The following NT5DC2 variants were observed in gnomAD, a reference collection of about 807,000 sequenced individuals.
The protein encoded by NT5DC2 is 5'-nucleotidase domain containing 2, also known as 5'-nucleotidase domain-containing protein 2.
A neutral mutation model predicts 70.0 loss-of-function variants in NT5DC2; 41 were observed. The observed-to-expected ratio is 0.59, with a 90% confidence interval of 0.46 to 0.76. The LOEUF (loss-of-function observed/expected upper bound fraction) is 0.76, where lower values mean the gene tolerates loss of function less well. Ranked by LOEUF, NT5DC2 falls within the 30% of genes least tolerant of loss-of-function variation. The probability of loss-of-function intolerance (pLI) is 0.00; values close to 1 mark genes in which losing one functional copy is unlikely to be tolerated. For missense variants in NT5DC2, 705 were observed against 783.2 expected, an observed-to-expected ratio of 0.90 and a Z score of 1.19; for synonymous variants, 299 against 310.4, an observed-to-expected ratio of 0.96 and a Z score of 0.39.
rs1335164699 is a variant in NT5DC2, at chr3:52,527,849, G to C, written c.915C>G (p.Thr305=). 8.7e-6 allele frequency: 14 copies of C among 1,613,384 alleles called. No homozygotes were observed. The highest frequency in any genetic ancestry group is 1.2e-5 in the Non-Finnish European group (14 of 1,180,012). ...VAHGKQLFLI[T]NSPFSFVDKG... ...CTCACACGAAGCTGAAAGGACTGTT[G>C]GTGATGAGGAACAGCTGTTTCCCAT... The change falls in exon 8 of 14, where the codon ACC becomes ACG. Residue 305 remains threonine (T), a synonymous_variant. Transcript: ENST00000422318.
At position 52,529,221 on chromosome 3, in the gene NT5DC2, C is replaced by T. The variant is rs1310217297; in HGVS notation, c.346G>A (p.Ala116Thr). 2 of 1,614,030 alleles carry T rather than the reference C, an allele frequency of 1.2e-6. No homozygotes were observed. Among genetic ancestry groups the T allele is most frequent in the Middle Eastern group, 1.6e-4 (1 of 6,062 alleles). The change falls in exon 2 of 14, where the codon GCC becomes ACC. Residue 116 changes from alanine to threonine, a missense_variant. Physicochemically the swap from Ala to Thr is moderately conservative, Grantham distance 58. Transcript: ENST00000422318. This position sits in a 1 kb window ranked among gnomAD's most constrained non-coding sequence, Gnocchi z 4.1. ...VYGFDYDYTL[A>T]QYADALHPEI... ...GGGTGCAGTGCGTCTGCATACTGGGCCAGGGTGTAGTCGTAGTCAAAGCCG... is the reference window on the plus strand; with the variant it reads ...GGGTGCAGTGCGTCTGCATACTGGGTCAGGGTGTAGTCGTAGTCAAAGCCG...
intron 1 of NT5DC2, 81 bp downstream of exon 1, chr3:52,533,425 G>A (rs1349932655): frequency 4.3e-6 from 6 of 1,387,428 alleles, no homozygotes; most frequent in South Asian, 3.9e-5. Context: ...TTTCCCCGGA[G>A]GAGCGGCACC....
rs368194873 is a variant in NT5DC2 at position 52,528,846 on chromosome 3, G to C, written c.492+15C>G. 6.2e-7 allele frequency: 1 copy of C among 1,613,306 alleles called. No homozygotes were observed. Among genetic ancestry groups the C allele is most frequent in the Non-Finnish European group, 8.5e-7 (1 of 1,179,504 alleles). Reference sequence around the variant, plus strand: ...AGGCCAAGGAGGGAGCCCCTATACAGGTCCAGCCACTCACCTTCTGAATGT... The same window carrying C: ...AGGCCAAGGAGGGAGCCCCTATACACGTCCAGCCACTCACCTTCTGAATGT... On this transcript the variant is annotated intron_variant, in intron 3 of 13. Transcript: ENST00000422318.
chr3:52,525,339 C>A, intron 10 of NT5DC2, 44 bp from the exon 11 acceptor site: 2 of 1,481,804 alleles, frequency 1.3e-6, no homozygotes, highest in South Asian at 2.3e-5. Flanking sequence ...TGTGCCTTGT[C>A]CTCCACCAGT....
Position 52,527,673 on chromosome 3 carries a change from G to A in NT5DC2, c.981C>T (p.Leu327=), listed in dbSNP as rs761077815. 1.2e-6 allele frequency: 2 copies of A among 1,613,302 alleles called. No homozygotes were observed. The highest frequency in any genetic ancestry group is 2.2e-5 in the South Asian group (2 of 91,084). ...CTGCCTGGACAATGACCACATCGAA[G>A]AGCTGGCGCCAATCGGGACCCACCA... ...RHMVGPDWRQ[L]FDVVIVQADK... The change falls in exon 9 of 14, where the codon CTC becomes CTT. Residue 327 remains leucine, a synonymous_variant. Transcript: ENST00000422318.
Position 52,529,554 on chromosome 3 carries a change from C to T in NT5DC2, c.233-220G>A, listed in dbSNP as rs1319207282. 6.6e-6 allele frequency among the ~76,000 whole-genome samples: 1 copy of T among 152,056 alleles called. No homozygotes were observed. The highest frequency in any genetic ancestry group is 2.4e-5 in the African/African-American group (1 of 41,362). On this transcript the variant is annotated intron_variant, in intron 1 of 13. Transcript: ENST00000422318. This position sits in a 1 kb window ranked among gnomAD's most constrained non-coding sequence, Gnocchi z 4.1. Reference sequence around the variant, plus strand: ...AAGGCAGAGCCCCTGGCTGGAGCTCCTCCTCATGGTTACACCTGCCTACAT... The same window carrying T: ...AAGGCAGAGCCCCTGGCTGGAGCTCTTCCTCATGGTTACACCTGCCTACAT...
rs368695632 is a variant in NT5DC2 at position 52,532,607 on chromosome 3, G to A, written c.232+899C>T. On this transcript the variant is annotated intron_variant, in intron 1 of 13. Transcript: ENST00000422318. The stretch of plus-strand genomic sequence containing the variant: ...CCACGTCACCCCTGGGGGTTCCTCC[G>A]GAAGCTCTCCTGCCCTGCTTGGCCT... The A allele has an allele frequency of 1.5e-5, 10 of 647,318 alleles. No homozygotes were observed. The South Asian group carries it at 5.5e-4, about 36-fold the overall frequency. 40.1% of individuals were successfully genotyped at this position (647,318 alleles called of 1,614,324 possible).
In NT5DC2 at chr3:52,533,806, C is replaced by A. The variant is rs1559742608; in HGVS notation, c.-69G>T. 1.0e-6 allele frequency: 1 copy of A among 978,148 alleles called. No homozygotes were observed. Among genetic ancestry groups the A allele is most frequent in the African/African-American group, 1.8e-5 (1 of 56,596 alleles). The allele number at this position is 978,148 out of a possible 1,614,324, so 60.6% of individuals were successfully genotyped here. A position where few individuals can be genotyped will look rare whatever the true frequency, so the allele number is the denominator to read the frequency against. On this transcript the variant is annotated 5_prime_UTR_variant, in exon 1 of 14. Transcript: ENST00000422318. ...CCGCCGCCCGCCGCCCGCCGCCCTC[C>A]GACTGCGCGCCCGCCACGGTGGCCT...
upstream of NT5DC2, chr3:52,534,353 G>C: frequency 1.0e-6 from 1 of 971,020 alleles, no homozygotes; most frequent in Non-Finnish European, 1.6e-6. Flanking sequence ...CCACTCACTG[G>C]TCTAACAAAT....
At chr3:52,534,545 G>A, upstream of NT5DC2, 1 of 1,613,414 alleles carries the variant, frequency 6.2e-7, no homozygotes, top group Non-Finnish European at 8.5e-7. Flanking sequence ...GTCAACTCCC[G>A]GTTTCCCGGC....
chr3:52,531,456 A>G lies in NT5DC2; in HGVS notation c.232+2050T>C, dbSNP rs2079358072. On this transcript the variant is annotated intron_variant, in intron 1 of 13. Coordinates refer to ENST00000422318, the MANE Select transcript of NT5DC2 (RefSeq NM_001134231.2). The surrounding 1 kb of genome is among the most constrained non-coding windows in gnomAD (Gnocchi z 4.1). ...GAAGACCTGGGAGGGTCTGCTCGGC[A>G]GTGCAGCCCCTTGCTGGCACAGAGT... 6.6e-6 allele frequency among the ~76,000 whole-genome samples: 1 copy of G among 152,116 alleles called. No individual in the cohort carries two copies. Among genetic ancestry groups the G allele is most frequent in the African/African-American group, 2.4e-5 (1 of 41,406 alleles).
At chr3:52,534,865 G>A, upstream of NT5DC2, 2 of 595,046 alleles carry the variant, frequency 3.4e-6, no homozygotes, top group South Asian at 4.0e-5. Flanking sequence ...GGCAGTCCAT[G>A]GCCTGGGGAC....
rs2079291277 is a variant in NT5DC2, at chr3:52,527,316, T to G, written c.1097A>C (p.Glu366Ala). 6.2e-7 allele frequency: 1 copy of G among 1,614,130 alleles called. No homozygotes were observed. The highest frequency in any genetic ancestry group is 8.5e-7 in the Non-Finnish European group (1 of 1,180,010). The change falls in exon 10 of 14, where the codon GAA becomes GCA. Residue 366 changes from glutamate (E) to alanine (A), a missense_variant. Glu to Ala is a moderately radical substitution (Grantham distance 107). Coordinates refer to ENST00000422318, the MANE Select transcript of NT5DC2 (RefSeq NM_001134231.2). Reference sequence around the variant, plus strand: ...TACCTGCCGATAGATCTTGCCCTTTTCCAAGCGGGTGATCCGGTCCCACTG... The same window carrying G: ...TACCTGCCGATAGATCTTGCCCTTTGCCAAGCGGGTGATCCGGTCCCACTG... ...SLQWDRITRLEKGKIYRQGNL... is the reference protein window; with the variant it reads ...SLQWDRITRLAKGKIYRQGNL...
Position 52,528,091 on chromosome 3 carries a change from C to T in NT5DC2, c.772-18G>A, listed in dbSNP as rs1194749123. 3 of 1,612,740 alleles carry T rather than the reference C, an allele frequency of 1.9e-6. No homozygotes were observed. In the African/African-American group the frequency reaches 4.0e-5, roughly 22 times the overall value. On this transcript the variant is annotated intron_variant, in intron 6 of 13. Coordinates refer to ENST00000422318, the MANE Select transcript of NT5DC2 (RefSeq NM_001134231.2). ...ATGGCGTCCTGGGGGCAGTGGAGGACAATGAGGGTACAGCAGGGCCCAGGT... is the reference window on the plus strand; with the variant it reads ...ATGGCGTCCTGGGGGCAGTGGAGGATAATGAGGGTACAGCAGGGCCCAGGT...
At chr3:52,533,155 T>G (rs965779160) in intron 1 of NT5DC2, among the ~76,000 whole-genome samples, 11 of 151,686 alleles carry the variant, frequency 7.3e-5, no homozygotes, top group African/African-American at 2.4e-4. Context: ...CAACTAAGGG[T>G]TGGCCGAGAA....
Position 52,528,322 on chromosome 3 carries a change from G to T in NT5DC2, c.643-11C>A. On this transcript the variant is annotated splice_polypyrimidine_tract_variant and intron_variant, in intron 5 of 13. Coordinates refer to ENST00000422318, the MANE Select transcript of NT5DC2 (RefSeq NM_001134231.2). ...CTTAATGGAGGGACCCTGGGGAGGGGGCCATTGTCTCAGACACCCTTTGGG... is the reference window on the plus strand; with the variant it reads ...CTTAATGGAGGGACCCTGGGGAGGGTGCCATTGTCTCAGACACCCTTTGGG... 1 of 1,613,188 alleles carries T rather than the reference G, an allele frequency of 6.2e-7. No homozygotes were observed. The highest frequency in any genetic ancestry group is 1.1e-5 in the South Asian group (1 of 91,046).
intron 1 of NT5DC2, among the ~76,000 whole-genome samples, chr3:52,532,908 G>A (rs190538065): frequency 6.6e-6 from 1 of 152,296 alleles, no homozygotes; most frequent in East Asian, 1.9e-4. Context: ...CTCAGAGGGA[G>A]AGAGCAGGGA....
upstream of NT5DC2, chr3:52,534,468 G>C (rs1397068026): frequency 1.2e-6 from 2 of 1,609,986 alleles, no homozygotes; most frequent in African/African-American, 1.3e-5. Context: ...GCCGTGCGCT[G>C]CAGGGTTGTG....
At chr3:52,534,439 C>T (rs765784707), upstream of NT5DC2, 4 of 1,600,912 alleles carry the variant, frequency 2.5e-6, no homozygotes, top group Admixed American at 1.7e-5. Flanking sequence ...CAGCCGACGT[C>T]CGCTAACCAG....
Sources: gnomAD v4.1 joint callset for allele counts (sites outside exome capture counted in the v4.1 genomes callset) on GRCh38, gnomAD v4.1.1 for gene constraint, Gnocchi (gnomAD v3.1) non-coding constraint, MANE v1.5 for transcripts, NCBI Gene and HGNC (gene_info 2026-07-23, HGNC 2026-07-21) for gene names.